The following MYO9B variants were observed in gnomAD, a reference collection of about 807,000 sequenced individuals.
MYO9B encodes myosin IXB.
A neutral mutation model predicts 229.5 loss-of-function variants in MYO9B; 71 were observed. The ratio of observed to expected loss-of-function variants is 0.31; its 90% CI spans 0.26 to 0.38. The LOEUF (loss-of-function observed/expected upper bound fraction) is 0.38. Among genes scored for constraint, MYO9B ranks in the 10% least tolerant of loss-of-function variants. MYO9B has a pLI of 1.00. For synonymous variants in MYO9B, 1,185 were observed against 1,235.8 expected, an observed-to-expected ratio of 0.96 and a Z score of 0.86; for missense variants, 2,255 against 2,920.5, an observed-to-expected ratio of 0.77 and a Z score of 5.25.
At chr19:17,104,067 AAAAAT>A (rs1350296255) in intron 2 of MYO9B, among the ~76,000 whole-genome samples, 2 of 151,754 alleles carry the variant, frequency 1.3e-5, no homozygotes, top group Admixed American at 1.3e-4. Flanking sequence ...AAAAAAAAAA[AAAAAT>A]AGTCACAGTT....
Position 17,184,987 on chromosome 19 carries a change from G to A in MYO9B, c.2496G>A (p.Gln832=), listed in dbSNP as rs1209485829. Residue 832 remains glutamine (Q), a splice_region_variant and synonymous_variant, in exon 17 of 40, where the codon CAG becomes CAA. Coordinates refer to ENST00000682292, the MANE Select transcript of MYO9B (RefSeq NM_004145.4). ...KKPPSISAQF[Q]TSLNKLLEAL... ...CACCAAGCATCAGCGCCCAGTTCCAGGTAGGTGGAGCAGGAGAGGCAGAAG... is the reference window on the plus strand; with the variant it reads ...CACCAAGCATCAGCGCCCAGTTCCAAGTAGGTGGAGCAGGAGAGGCAGAAG... 1.2e-6 allele frequency: 2 copies of A among 1,613,762 alleles called. No individual in the cohort carries two copies. Among genetic ancestry groups the A allele is most frequent in the Non-Finnish European group, 1.7e-6 (2 of 1,179,808 alleles).
intron 5 of MYO9B, 61 bp from the exon 6 acceptor site, chr19:17,154,254 T>C: frequency 6.6e-7 from 1 of 1,525,572 alleles, no homozygotes; most frequent in Non-Finnish European, 9.0e-7. Flanking sequence ...CCAAAATCAC[T>C]CTGGCACGCC....
At chr19:17,162,289 A>G in intron 8 of MYO9B, 61 bp from the exon 9 acceptor site, 1 of 1,389,498 alleles carries the variant, frequency 7.2e-7, no homozygotes, top group Non-Finnish European at 9.9e-7. Flanking sequence ...TGGATGACAG[A>G]GCAAGACTCC....
At chr19:17,128,654 G>C (rs769795902) in intron 2 of MYO9B, among the ~76,000 whole-genome samples, 2 of 152,240 alleles carry the variant, frequency 1.3e-5, no homozygotes, top group East Asian at 3.8e-4. Flanking sequence ...CACAGCTCTC[G>C]TCTGGGTCTG....
intron 6 of MYO9B, among the ~76,000 whole-genome samples, chr19:17,154,794 C>G (rs2072519835): frequency 6.6e-6 from 1 of 152,034 alleles, no homozygotes; most frequent in South Asian, 2.1e-4. Context: ...GACCTCATCT[C>G]TACAAAAAAT....
intron 14 of MYO9B, chr19:17,177,944 T>C (rs1191011118): frequency 1.3e-5 from 2 of 152,590 alleles, no homozygotes; most frequent in Middle Eastern, 3.4e-3. Flanking sequence ...GGGAGCCATC[T>C]TCCCCAGGTG....
At chr19:17,151,117 A>T (rs570052480) in intron 3 of MYO9B, among the ~76,000 whole-genome samples, 5 of 152,148 alleles carry the variant, frequency 3.3e-5, no homozygotes, top group African/African-American at 9.6e-5. Context: ...TGTCTCTACT[A>T]AAAATACAAA....
At chr19:17,161,679 G>A (rs1255220016) in intron 8 of MYO9B, among the ~76,000 whole-genome samples, 1 of 151,996 alleles carries the variant, frequency 6.6e-6, no homozygotes, top group Non-Finnish European at 1.5e-5. Context: ...AGCCAGGCAT[G>A]GTGGTGCGTG....
chr19:17,203,945 G>A (rs899250222), intron 30 of MYO9B, among the ~76,000 whole-genome samples: 4 of 152,236 alleles, frequency 2.6e-5, no homozygotes, highest in East Asian at 1.9e-4. Context: ...GAATGACCCA[G>A]CTGATCCATG....
intron 23 of MYO9B, 81 bp from the exon 24 acceptor site, chr19:17,198,103 G>A (rs1266784224): frequency 6.4e-7 from 1 of 1,573,302 alleles, no homozygotes; most frequent in Non-Finnish European, 8.6e-7. Flanking sequence ...TGGATGGAGT[G>A]TAAATGCCTG....
At chr19:17,180,451 C>T (rs2072845963) in intron 14 of MYO9B, among the ~76,000 whole-genome samples, 2 of 142,348 alleles carry the variant, frequency 1.4e-5, no homozygotes, top group South Asian at 4.6e-4. Context: ...CTCCCGGGTT[C>T]AAGCAATTCT....
intron 2 of MYO9B, among the ~76,000 whole-genome samples, chr19:17,142,047 A>G (rs1402374303): frequency 4.6e-5 from 7 of 151,976 alleles, no homozygotes; most frequent in African/African-American, 1.7e-4. Context: ...GCATGGTGGC[A>G]TGCACCTGTG....
At chr19:17,189,720 G>C (rs4808589) in intron 19 of MYO9B, among the ~76,000 whole-genome samples, 1 of 151,770 alleles carries the variant, frequency 6.6e-6, no homozygotes, top group Non-Finnish European at 1.5e-5. Context: ...CAGCCACCTC[G>C]ACCATCTAAA....
rs1413987483 is a variant in MYO9B, at chr19:17,145,472, G to A, written c.916G>A (p.Glu306Lys). 6.2e-7 allele frequency: 1 copy of A among 1,613,978 alleles called. No homozygotes were observed. The change falls in exon 3 of 40, where the codon GAG becomes AAG. Residue 306 changes from glutamate (E) to lysine (K), a missense_variant. Transcript: ENST00000682292. ...FGKFIQVSYLESGIVRGAVVE... is the reference protein window; with the variant it reads ...FGKFIQVSYLKSGIVRGAVVE... Reference sequence around the variant, plus strand: ...GAAATTCATCCAAGTCAGCTACCTAGAGAGTGGCATCGTGAGAGGGTGAGG... The same window carrying A: ...GAAATTCATCCAAGTCAGCTACCTAAAGAGTGGCATCGTGAGAGGGTGAGG...
intron 20 of MYO9B, 105 bp downstream of exon 20, chr19:17,191,324 T>C: frequency 2.9e-6 from 4 of 1,357,544 alleles, no homozygotes; most frequent in Non-Finnish European, 9.9e-7. Flanking sequence ...CATACAGGGC[T>C]CTGTCTAGGA....
chr19:17,152,564 A>C (rs2072490168), intron 3 of MYO9B, 80 bp from the exon 4 acceptor site: 1 of 384,746 alleles, frequency 2.6e-6, no homozygotes. Flanking sequence ...CTCCCATCTC[A>C]AAAAAAAAAA....
In MYO9B at chr19:17,212,212, C is replaced by T; in HGVS notation, c.6376C>T (p.Pro2126Ser). 1.3e-6 allele frequency: 2 copies of T among 1,583,762 alleles called. No individual in the cohort carries two copies. Among genetic ancestry groups the T allele is most frequent in the Non-Finnish European group, 1.7e-6 (2 of 1,166,468 alleles). ...ADLPVQGALE[P>S]LEEDGQPPGA... is the part of the protein sequence containing the mutation. ...CCTGCCAGTGCAGGGCGCCCTGGAG[C>T]CCCTAGAAGAGGATGGCCAGCCACC... The change falls in exon 40 of 40, where the codon CCC becomes TCC. Residue 2126 changes from proline to serine, a missense_variant. This residue lies in a region of MYO9B where 331 missense variants were observed against 332.5 expected (regional missense o/e 1.00). Coordinates refer to ENST00000682292, the MANE Select transcript of MYO9B (RefSeq NM_004145.4). This position sits in a 1 kb window ranked among gnomAD's most constrained non-coding sequence, Gnocchi z 5.4.
chr19:17,162,918 C>T (rs1022990779), intron 9 of MYO9B, 70 bp from the exon 10 acceptor site: 10 of 1,541,188 alleles, frequency 6.5e-6, no homozygotes, highest in African/African-American at 1.4e-5. Flanking sequence ...GTAGAGCCAA[C>T]CCCTCTCATG....
chr19:17,185,101 C>A, intron 17 of MYO9B, 114 bp downstream of exon 17: 1 of 1,476,064 alleles, frequency 6.8e-7, no homozygotes, highest in Non-Finnish European at 9.2e-7. Context: ...ATTGGCCGGG[C>A]GCGGTGGCTC....
Sources: gnomAD v4.1 joint callset for allele counts (sites outside exome capture counted in the v4.1 genomes callset) on GRCh38, gnomAD v4.1.1 for gene constraint, gnomAD v4.1.1 regional missense constraint, Gnocchi (gnomAD v3.1) non-coding constraint, MANE v1.5 for transcripts, NCBI Gene and HGNC (gene_info 2026-07-23, HGNC 2026-07-21) for gene names.